Variants in KYAT3 observed in about 807,000 individuals in gnomAD.
KYAT3 encodes the protein kynurenine aminotransferase 3.
Under a neutral mutation model 59.0 loss-of-function variants are expected in KYAT3, and 50 were observed. That is an observed-to-expected ratio of 0.85 (90% CI 0.68 to 1.07). The LOEUF is 1.07. Ranked by LOEUF, KYAT3 falls within the 50% of genes least tolerant of loss-of-function variation. The pLI, the probability that KYAT3 is intolerant of heterozygous loss-of-function variation, is 0.00. For missense variants in KYAT3, 497 were observed against 533.3 expected, an observed-to-expected ratio of 0.93 and a Z score of 0.67; for synonymous variants, 148 against 177.0, an observed-to-expected ratio of 0.84 and a Z score of 1.30.
At chr1:88,988,876 T>C (rs1265983403) in intron 1 of KYAT3, among the ~76,000 whole-genome samples, 1 of 152,238 alleles carries the variant, frequency 6.6e-6, no homozygotes, top group Non-Finnish European at 1.5e-5. Flanking sequence ...TCTTAGGTTA[T>C]TCTGAAGGTA....
chr1:88,965,774 T>C (rs545640882), intron 4 of KYAT3, among the ~76,000 whole-genome samples: 2 of 152,296 alleles, frequency 1.3e-5, no homozygotes, highest in African/African-American at 4.8e-5. Flanking sequence ...TGAAGTACCA[T>C]CCTGATTTTC....
At position 88,961,514 on chromosome 1, in the gene KYAT3, T is replaced by C. The variant is rs150487581; in HGVS notation, c.541-8A>G. ...TTTTCCATAAACAGGTTTCTAAGCA[T>C]GAAGAATGAAGATATAATTTAATTC... is the stretch of plus-strand genomic sequence containing the variant. On this transcript the variant is annotated splice_polypyrimidine_tract_variant and splice_region_variant and intron_variant, in intron 6 of 13. Transcript: ENST00000260508. 774 of 1,602,996 alleles carry C rather than the reference T, an allele frequency of 4.8e-4. 4 individuals are homozygous for C. In the African/African-American group the frequency reaches 9.6e-3, roughly 20 times the overall value.
chr1:88,967,071 C>G (rs556465465), intron 4 of KYAT3, among the ~76,000 whole-genome samples: 4 of 152,042 alleles, frequency 2.6e-5, no homozygotes, highest in Non-Finnish European at 5.9e-5. Flanking sequence ...TTTATACACA[C>G]AGGCACACAC....
rs1232945465 is a variant in KYAT3, at chr1:88,935,832, T to G, written c.*351A>C. The G allele has an allele frequency of 2.5e-6, 1 of 408,154 alleles. No individual in the cohort carries two copies. The highest frequency in any genetic ancestry group is 3.4e-5 in the East Asian group (1 of 29,158). 25.3% of individuals were successfully genotyped at this position (408,154 alleles called of 1,614,324 possible). ...CAGGCTTTTTGCATACATTAGTCCA[T>G]TTAATTCTCAGAAACGACCTTCATA... On this transcript the variant is annotated 3_prime_UTR_variant, in exon 14 of 14. Transcript: ENST00000260508.
chr1:88,982,523 C>T, intron 2 of KYAT3: 4 of 1,338,386 alleles, frequency 3.0e-6, no homozygotes, highest in Non-Finnish European at 4.0e-6. Flanking sequence ...ACGGAAGGGA[C>T]TTAACAGGGA....
At chr1:88,927,222 C>T in the KYAT3 span, among the ~76,000 whole-genome samples, 2 of 152,040 alleles carry the variant, frequency 1.3e-5, no homozygotes, top group South Asian at 4.1e-4. Flanking sequence ...AACATTCCCC[C>T]CAAGGCAAAA....
At chr1:88,976,216 G>A (rs1017373073) in intron 2 of KYAT3, among the ~76,000 whole-genome samples, 5 of 151,916 alleles carry the variant, frequency 3.3e-5, no homozygotes, top group Non-Finnish European at 7.4e-5. Context: ...AATTAGCCGG[G>A]TGTGGTGGCA....
rs1462194957 is a variant in KYAT3 at position 88,935,953 on chromosome 1, G to A, written c.*230C>T. The A allele has an allele frequency of 6.5e-6, 3 of 463,804 alleles. No homozygotes were observed. In the East Asian group the frequency reaches 8.8e-5, roughly 14 times the overall value. 28.7% of individuals were successfully genotyped at this position (463,804 alleles called of 1,614,324 possible). On this transcript the variant is annotated 3_prime_UTR_variant, in exon 14 of 14. Transcript: ENST00000260508. ...CATTTCTTATCCACTATGTTATGCT[G>A]ACTCTTATAAAATGATTGTGGAAGG...
At chr1:88,951,547 T>C (rs1308850741) in intron 10 of KYAT3, among the ~76,000 whole-genome samples, 3 of 152,012 alleles carry the variant, frequency 2.0e-5, no homozygotes, top group Non-Finnish European at 4.4e-5. Flanking sequence ...TTTGCCCTTT[T>C]AACTGCCTTC....
At chr1:88,946,229 T>C (rs1315627343) in intron 11 of KYAT3, among the ~76,000 whole-genome samples, 3 of 152,210 alleles carry the variant, frequency 2.0e-5, no homozygotes, top group Admixed American at 6.5e-5. Flanking sequence ...TTGCCTTTAC[T>C]GTCAGGAAGT....
downstream of KYAT3, among the ~76,000 whole-genome samples, chr1:88,932,331 T>G (rs1000385411): frequency 6.6e-6 from 1 of 152,218 alleles, no homozygotes; most frequent in Admixed American, 6.5e-5. Flanking sequence ...GATTAGACTA[T>G]TGATAGACTA....
chr1:88,948,094 A>C (rs1675517591), intron 11 of KYAT3, among the ~76,000 whole-genome samples: 1 of 66,832 alleles, frequency 1.5e-5, no homozygotes, highest in South Asian at 4.6e-4. Context: ...CCTGCCTCAA[A>C]CAAAACAAAA....
In KYAT3 at chr1:88,942,264, CT is replaced by C. The variant is rs879414273; in HGVS notation, c.1302+740del. On this transcript the variant is annotated intron_variant, in intron 13 of 13. Transcript: ENST00000260508. Reference sequence around the variant, plus strand: ...TAAGTTCTTGAATCTCCATTTGGTTCTTTTTTTTTTTAATAGTTTGAACCTC... The same window carrying C: ...TAAGTTCTTGAATCTCCATTTGGTTCTTTTTTTTTTAATAGTTTGAACCTC... 2.7e-3 allele frequency among the ~76,000 whole-genome samples: 386 copies of C among 144,010 alleles called. 5 individuals carry two copies. The highest frequency in any genetic ancestry group is 7.5e-4 in the Non-Finnish European group (49 of 65,196). 94.5% of individuals were successfully genotyped at this position (144,010 alleles called of 152,430 possible).
At chr1:88,951,793 G>A (rs1365743721) in intron 10 of KYAT3, among the ~76,000 whole-genome samples, 4 of 151,708 alleles carry the variant, frequency 2.6e-5, no homozygotes, top group Admixed American at 2.6e-4. Flanking sequence ...CAGAGTAATG[G>A]GTCCCAATGA....
intron 8 of KYAT3, among the ~76,000 whole-genome samples, chr1:88,955,661 T>A (rs1675882842): frequency 6.6e-6 from 1 of 152,204 alleles, no homozygotes; most frequent in African/African-American, 2.4e-5. Context: ...GCCTATTTTC[T>A]GAGTGTATTT....
intron 1 of KYAT3, among the ~76,000 whole-genome samples, chr1:88,990,054 CCTT>C (rs1235241975): frequency 1.3e-5 from 2 of 152,168 alleles, no homozygotes; most frequent in African/African-American, 4.8e-5. Context: ...AATCCCTCTA[CCTT>C]CTTCCTCAGT....
the KYAT3 span, among the ~76,000 whole-genome samples, chr1:88,930,460 G>A: frequency 6.6e-6 from 1 of 152,104 alleles, no homozygotes; most frequent in Non-Finnish European, 1.5e-5. Flanking sequence ...CCGCTCGAGG[G>A]GACCTTCTAG....
intron 2 of KYAT3, among the ~76,000 whole-genome samples, chr1:88,972,297 C>T (rs550524514): frequency 3.9e-5 from 6 of 152,266 alleles, no homozygotes; most frequent in South Asian, 2.1e-4. Flanking sequence ...CTGATTTAAA[C>T]GTTAATCTCA....
chr1:88,933,455 CA>C (rs879012475), downstream of KYAT3, among the ~76,000 whole-genome samples: 4 of 150,618 alleles, frequency 2.7e-5, no homozygotes, highest in South Asian at 4.2e-4. Context: ...AAGATAGGAA[CA>C]AAGGAAAGAA....
Sources: allele counts gnomAD v4.1 joint callset (sites outside exome capture counted in the v4.1 genomes callset), GRCh38; gene constraint gnomAD v4.1.1; transcripts MANE v1.5; gene names NCBI Gene and HGNC (gene_info 2026-07-23, HGNC 2026-07-21).